SEMA6D: variants seen among roughly 807,000 people sequenced by gnomAD.
The protein encoded by SEMA6D is semaphorin 6D, also known as semaphorin-6D.
A neutral mutation model predicts 106.6 loss-of-function variants in SEMA6D; 35 were observed. That is an observed-to-expected ratio of 0.33 (90% CI 0.25 to 0.44). The LOEUF is 0.44. Among genes scored for constraint, SEMA6D ranks in the 20% least tolerant of loss-of-function variants. The probability of loss-of-function intolerance (pLI) is 1.00; values close to 1 mark genes in which losing one functional copy is unlikely to be tolerated. For missense variants in SEMA6D, 1,185 were observed against 1,345.9 expected, an observed-to-expected ratio of 0.88 and a Z score of 1.87; for synonymous variants, 499 against 487.7, an observed-to-expected ratio of 1.02 and a Z score of -0.31.
chr15:47,340,796 A>C (rs1485385660), intron 1 of SEMA6D, among the ~76,000 whole-genome samples: 2 of 151,972 alleles, frequency 1.3e-5, no homozygotes, highest in African/African-American at 4.8e-5. Context: ...GAGAAATACC[A>C]CCCTCACTCT....
At chr15:47,305,588 A>ATTT (rs1318483531) in intron 1 of SEMA6D, among the ~76,000 whole-genome samples, 1 of 152,164 alleles carries the variant, frequency 6.6e-6, no homozygotes, top group Non-Finnish European at 1.5e-5. Context: ...TCTCATCTAA[A>ATTT]TTTTTGCATT....
chr15:47,731,157 A>G (rs1034612588), intron 1 of SEMA6D, among the ~76,000 whole-genome samples: 1 of 152,162 alleles, frequency 6.6e-6, no homozygotes, highest in African/African-American at 2.4e-5. Context: ...CGTAAACTTC[A>G]TTGCTGCTAA....
intron 1 of SEMA6D, among the ~76,000 whole-genome samples, chr15:47,322,493 G>A (rs961083725): frequency 5.9e-5 from 9 of 152,012 alleles, no homozygotes. Context: ...TCATTAGATT[G>A]ATGTTATACA....
intron 17 of SEMA6D, among the ~76,000 whole-genome samples, chr15:47,768,115 T>A (rs1239341171): frequency 6.6e-6 from 1 of 152,186 alleles, no homozygotes; most frequent in African/African-American, 2.4e-5. Context: ...CAAAATCAAG[T>A]ATTTTCATAG....
intron 4 of SEMA6D, among the ~76,000 whole-genome samples, chr15:47,607,835 A>G (rs1013513245): frequency 1.6e-4 from 25 of 152,366 alleles, no homozygotes; most frequent in African/African-American, 5.5e-4. Context: ...CTGGTGGAAG[A>G]TAAGTGATAA....
In SEMA6D at chr15:47,383,669, TA is replaced by T. The variant is rs1293577725; in HGVS notation, c.-238-28720del. ...GGCATAAGGACCCTGAGTTAAATAT[TA>T]AAATCACCCCATTTTGTAAGATAAT... On this transcript the variant is annotated intron_variant, in intron 1 of 19. Coordinates refer to the SEMA6D transcript ENST00000558014. 2.0e-5 allele frequency among the ~76,000 whole-genome samples: 3 copies of T among 152,328 alleles called. No individual in the cohort carries two copies. The East Asian group carries it at 5.8e-4, about 29-fold the overall frequency.
At chr15:47,227,569 TCACA>T (rs1555407289) in intron 1 of SEMA6D, among the ~76,000 whole-genome samples, 2,094 of 127,906 alleles carry the variant, frequency 0.016, 51 homozygotes, top group African/African-American at 0.054. Flanking sequence ...TCTCTCTCTC[TCACA>T]CACACACACA....
chr15:47,717,932 A>G (rs1457159019), intron 1 of SEMA6D, among the ~76,000 whole-genome samples: 2 of 150,970 alleles, frequency 1.3e-5, no homozygotes, highest in Non-Finnish European at 2.9e-5. Context: ...CCTGCCGTGC[A>G]AGGGACGCGC....
chr15:47,265,321 C>T (rs72731766), intron 1 of SEMA6D, among the ~76,000 whole-genome samples: 4,198 of 151,610 alleles, frequency 0.028, 83 homozygotes, highest in Non-Finnish European at 0.044. Context: ...CATATTATTT[C>T]TCTTGAGTCA....
intron 4 of SEMA6D, among the ~76,000 whole-genome samples, chr15:47,649,616 G>C (rs2077647770): frequency 6.6e-6 from 1 of 152,160 alleles, no homozygotes; most frequent in Non-Finnish European, 1.5e-5. Flanking sequence ...ACTAGTCACT[G>C]TACTCCAGCC....
At chr15:47,447,661 T>C (rs768099869) in intron 2 of SEMA6D, among the ~76,000 whole-genome samples, 23 of 152,148 alleles carry the variant, frequency 1.5e-4, no homozygotes, top group Non-Finnish European at 3.1e-4. Flanking sequence ...AACTGATAAA[T>C]GTAAGAGTTT....
intron 1 of SEMA6D, among the ~76,000 whole-genome samples, chr15:47,725,880 G>C (rs566656023): frequency 3.3e-5 from 5 of 152,322 alleles, no homozygotes; most frequent in Non-Finnish European, 7.3e-5. Flanking sequence ...CAAGTTAATA[G>C]TTATGTGACA....
intron 4 of SEMA6D, among the ~76,000 whole-genome samples, chr15:47,690,885 T>C (rs942143047): frequency 2.2e-4 from 34 of 152,200 alleles, no homozygotes; most frequent in Non-Finnish European, 8.8e-5. Flanking sequence ...CTCACCCTCA[T>C]GTTAAGATTG....
chr15:47,614,714 C>G (rs1469441453), intron 4 of SEMA6D, among the ~76,000 whole-genome samples: 1 of 152,122 alleles, frequency 6.6e-6, no homozygotes, highest in East Asian at 1.9e-4. Flanking sequence ...GATCCAGGAC[C>G]TAGCATGGTT....
intron 3 of SEMA6D, among the ~76,000 whole-genome samples, chr15:47,535,539 G>A (rs2045133647): frequency 6.6e-6 from 1 of 152,026 alleles, no homozygotes; most frequent in African/African-American, 2.4e-5. Flanking sequence ...AATTCAACAA[G>A]TACTTTTTAA....
At chr15:47,592,604 G>A (rs1374736512) in intron 3 of SEMA6D, among the ~76,000 whole-genome samples, 1 of 152,126 alleles carries the variant, frequency 6.6e-6, no homozygotes, top group Non-Finnish European at 1.5e-5. Context: ...TAAATAGAGT[G>A]TTTACAACAA....
At chr15:47,367,676 ACACGCG>A (rs149386164) in intron 1 of SEMA6D, among the ~76,000 whole-genome samples, 2 of 82,784 alleles carry the variant, frequency 2.4e-5, no homozygotes, top group East Asian at 2.6e-4. Flanking sequence ...ACGCACGCTC[ACACGCG>A]CGCGCGCGCG....
intron 1 of SEMA6D, among the ~76,000 whole-genome samples, chr15:47,298,323 G>A (rs576102858): frequency 2.0e-5 from 3 of 151,542 alleles, no homozygotes; most frequent in Non-Finnish European, 4.4e-5. Flanking sequence ...GACAAAACAG[G>A]TTTGTTGTCT....
intron 2 of SEMA6D, 81 bp from the exon 3 acceptor site, chr15:47,760,220 AAGT>A (rs2081986234): frequency 1.1e-6 from 1 of 910,966 alleles, no homozygotes; most frequent in East Asian, 2.5e-5. Flanking sequence ...CTTCTACAAC[AAGT>A]ATATACAGCT....
Sources: allele counts gnomAD v4.1 joint callset (sites outside exome capture counted in the v4.1 genomes callset), GRCh38; gene constraint gnomAD v4.1.1; transcripts MANE v1.5; gene names NCBI Gene and HGNC (gene_info 2026-07-23, HGNC 2026-07-21).